The following POC1B variants were observed in gnomAD, a reference collection of about 807,000 sequenced individuals.
POC1B encodes the protein POC1 centriolar protein B, also known as POC1 centriolar protein homolog B.
Under a neutral mutation model 60.6 loss-of-function variants are expected in POC1B, and 44 were observed. The ratio of observed to expected loss-of-function variants is 0.73; its 90% CI spans 0.57 to 0.93. The LOEUF is 0.93. Ranked by LOEUF, POC1B falls within the 40% of genes least tolerant of loss-of-function variation. POC1B has a pLI of 0.00. For missense variants in POC1B, 555 were observed against 572.3 expected (o/e 0.97, Z 0.31); for synonymous variants, 180 against 198.9 (o/e 0.90, Z 0.80).
intron 10 of POC1B, chr12:89,425,585 G>C: frequency 4.7e-6 from 2 of 428,524 alleles, no homozygotes; most frequent in Non-Finnish European, 4.1e-6. Context: ...ACAGTGAATA[G>C]AGACAATTTC....
intron 2 of POC1B, chr12:89,523,863 G>A (rs749932324): frequency 1.3e-6 from 2 of 1,562,084 alleles, no homozygotes; most frequent in Admixed American, 4.0e-5. Context: ...TACACTCACA[G>A]TGACAATCCA....
Position 89,459,665 on chromosome 12 carries a change from C to T in POC1B, c.1086G>A (p.Met362Ile). 6.6e-7 allele frequency: 1 copy of T among 1,519,490 alleles called. No individual in the cohort carries two copies. The highest frequency in any genetic ancestry group is 1.3e-5 in the South Asian group (1 of 74,838). 94.1% of individuals were successfully genotyped at this position (1,519,490 alleles called of 1,614,324 possible). ...IDLQISTPPV[M>I]DILSFDSTTT... The stretch of plus-strand genomic sequence containing the variant: ...TGGTAGAATCAAAAGAAAGGATATC[C>T]ATAACAGGGGGAGTAGAGATCTGCA... Residue 362 changes from methionine (M) to isoleucine (I), a missense_variant, in exon 10 of 12, where the codon ATG (methionine) becomes ATA (isoleucine). Coordinates refer to ENST00000313546, the MANE Select transcript of POC1B (RefSeq NM_172240.3).
Position 89,473,178 on chromosome 12 carries a change from C to G in POC1B, c.453-903G>C, listed in dbSNP as rs78761340. ...TTTCAATTTTATTTGTAGTTTCCCTCTATGCCCACAGTAAAGATTACTATG... is the reference window on the plus strand; with the variant it reads ...TTTCAATTTTATTTGTAGTTTCCCTGTATGCCCACAGTAAAGATTACTATG... On this transcript the variant is annotated intron_variant, in intron 4 of 11. Coordinates refer to ENST00000313546, the MANE Select transcript of POC1B (RefSeq NM_172240.3). Among the ~76,000 whole-genome samples the G allele has an allele frequency of 6.8e-3, 1,031 of 152,302 alleles. 12 individuals carry two copies. The highest frequency in any genetic ancestry group is 0.024 in the African/African-American group (996 of 41,572).
intron 4 of POC1B, among the ~76,000 whole-genome samples, chr12:89,486,234 T>C (rs191757207): frequency 4.5e-4 from 68 of 152,274 alleles, no homozygotes; most frequent in African/African-American, 1.6e-3. Context: ...ATACTTGTAA[T>C]TCGAAGTCTA....
chr12:89,488,768 T>C (rs9634199), intron 4 of POC1B, among the ~76,000 whole-genome samples: 114,796 of 152,070 alleles, frequency 0.75, 43,417 homozygotes, highest in Middle Eastern at 0.82. Flanking sequence ...ATTACGGGCA[T>C]GAGTCACTGC....
chr12:89,480,808 G>C (rs2135727810), intron 4 of POC1B, among the ~76,000 whole-genome samples: 1 of 152,248 alleles, frequency 6.6e-6, no homozygotes, highest in East Asian at 1.9e-4. Flanking sequence ...CACCATGTTA[G>C]CCAGGATGGT....
chr12:89,419,044 T>C (rs1254177195), downstream of POC1B, among the ~76,000 whole-genome samples: 1 of 151,870 alleles, frequency 6.6e-6, no homozygotes, highest in Non-Finnish European at 1.5e-5. Flanking sequence ...CTGTGGGGTG[T>C]GAAGAAGAAT....
intron 4 of POC1B, among the ~76,000 whole-genome samples, chr12:89,488,965 C>A (rs985521272): frequency 3.3e-5 from 5 of 152,138 alleles, no homozygotes; most frequent in Admixed American, 2.6e-4. Flanking sequence ...ACCTGACCCA[C>A]CCCAGAACAG....
intron 2 of POC1B, among the ~76,000 whole-genome samples, chr12:89,515,719 A>G (rs896869181): frequency 6.6e-6 from 1 of 152,112 alleles, no homozygotes; most frequent in African/African-American, 2.4e-5. Flanking sequence ...TCTGATTGCA[A>G]CCCACAGGAC....
At chr12:89,421,434 G>A (rs916736444) in intron 11 of POC1B, among the ~76,000 whole-genome samples, 177 bp from the exon 12 acceptor site, 3 of 152,210 alleles carry the variant, frequency 2.0e-5, no homozygotes, top group African/African-American at 7.2e-5. Flanking sequence ...ATAGGGCAAG[G>A]CATTATCAAG....
chr12:89,513,393 A>G (rs186912465), intron 2 of POC1B, among the ~76,000 whole-genome samples: 266 of 152,298 alleles, frequency 1.7e-3, no homozygotes, highest in African/African-American at 5.9e-3. Flanking sequence ...CATTTGTTGT[A>G]CAAGCACACC....
chr12:89,482,625 A>G (rs964987089), intron 4 of POC1B, among the ~76,000 whole-genome samples: 2 of 152,236 alleles, frequency 1.3e-5, no homozygotes, highest in Non-Finnish European at 2.9e-5. Flanking sequence ...CTGGCTTAAC[A>G]TTAAAAAATG....
chr12:89,449,034 T>C (rs1592594284), intron 10 of POC1B, among the ~76,000 whole-genome samples: 1 of 152,156 alleles, frequency 6.6e-6, no homozygotes, highest in Non-Finnish European at 1.5e-5. Context: ...TACTATATTA[T>C]GGTGAAAAAA....
intron 10 of POC1B, among the ~76,000 whole-genome samples, chr12:89,451,777 G>A (rs532783114): frequency 1.3e-5 from 2 of 152,298 alleles, no homozygotes; most frequent in South Asian, 4.1e-4. Flanking sequence ...CTGTCAAGTG[G>A]CAAAATAAAG....
intron 3 of POC1B, chr12:89,496,926 T>TA: frequency 2.3e-6 from 1 of 442,782 alleles, no homozygotes; most frequent in East Asian, 3.9e-5. Context: ...TAGCTACCAC[T>TA]ACTCCCTCAA....
chr12:89,434,677 G>A (rs947804291), intron 10 of POC1B, among the ~76,000 whole-genome samples: 5 of 152,140 alleles, frequency 3.3e-5, no homozygotes, highest in Non-Finnish European at 5.9e-5. Context: ...ACTCAAAAGG[G>A]AAAACAAGTA....
At chr12:89,463,666 T>C (rs534985744) in intron 9 of POC1B, among the ~76,000 whole-genome samples, 6 of 152,206 alleles carry the variant, frequency 3.9e-5, no homozygotes, top group Non-Finnish European at 7.3e-5. Context: ...CCAGGAGTAC[T>C]ACGAAGGATC....
chr12:89,425,225 C>T lies in POC1B; in HGVS notation c.1268G>A (p.Ser423Asn). Residue 423 changes from serine to asparagine, a missense_variant, in exon 11 of 12, where the codon AGC becomes AAC. By Grantham distance (46) the Ser-to-Asn change is conservative (BLOSUM62 1). Coordinates refer to ENST00000313546, the MANE Select transcript of POC1B (RefSeq NM_172240.3). ...MSDLPCESQRSIPLAVTDALE... is the reference protein window; with the variant it reads ...MSDLPCESQRNIPLAVTDALE... Reference sequence around the variant, plus strand: ...AGCATCAGTCACAGCGAGAGGTATGCTCCTTTGACTTTCACAGGGGAGGTC... The same window carrying T: ...AGCATCAGTCACAGCGAGAGGTATGTTCCTTTGACTTTCACAGGGGAGGTC... The T allele has an allele frequency of 6.2e-7, 1 of 1,614,158 alleles. No homozygotes were observed. Among genetic ancestry groups the T allele is most frequent in the Non-Finnish European group, 8.5e-7 (1 of 1,180,012 alleles).
At chr12:89,473,460 C>T (rs1346714315) in intron 4 of POC1B, among the ~76,000 whole-genome samples, 1 of 152,076 alleles carries the variant, frequency 6.6e-6, no homozygotes, top group Middle Eastern at 3.2e-3. Flanking sequence ...CACCTGAGGT[C>T]AGGAGTTCGA....
Sources: gnomAD v4.1 joint callset for allele counts (sites outside exome capture counted in the v4.1 genomes callset) on GRCh38, gnomAD v4.1.1 for gene constraint, MANE v1.5 for transcripts, NCBI Gene and HGNC (gene_info 2026-07-23, HGNC 2026-07-21) for gene names.